NMNAT3: variants seen among roughly 807,000 people sequenced by gnomAD.
The protein encoded by NMNAT3 is nicotinamide/nicotinic acid mononucleotide adenylyltransferase 3.
NMNAT3 carries 21 observed loss-of-function variants against 24.8 expected under a neutral mutation model. The ratio of observed to expected loss-of-function variants is 0.85; its 90% CI spans 0.60 to 1.22. NMNAT3 has a LOEUF of 1.22. NMNAT3 is among the 50% of genes most tolerant of loss of function. The pLI is 0.00. For missense variants in NMNAT3, 387 were observed against 436.6 expected (o/e 0.89, Z 1.01); for synonymous variants, 136 against 155.2 (o/e 0.88, Z 0.92).
At chr3:139,670,310 TCAGCAATGACTGA>T (rs2057717546) in intron 1 of NMNAT3, among the ~76,000 whole-genome samples, 1 of 152,226 alleles carries the variant, frequency 6.6e-6, no homozygotes, top group Non-Finnish European at 1.5e-5. Flanking sequence ...TCTCTTTGTC[TCAGCAATGACTGA>T]CAGAAATGGT....
intron 3 of NMNAT3, among the ~76,000 whole-genome samples, chr3:139,591,973 G>A (rs1160429166): frequency 6.6e-6 from 1 of 152,232 alleles, no homozygotes; most frequent in African/African-American, 2.4e-5. Flanking sequence ...GATGGAGAAT[G>A]ACTTTGACGA....
intron 6 of NMNAT3, chr3:139,570,204 A>T (rs922275949): frequency 2.0e-5 from 3 of 152,120 alleles, no homozygotes; most frequent in Non-Finnish European, 2.9e-5. Context: ...CAGGTCCTTT[A>T]AGGACTTCTG....
intron 3 of NMNAT3, among the ~76,000 whole-genome samples, chr3:139,597,686 C>T (rs767723883): frequency 1.4e-4 from 21 of 152,210 alleles, no homozygotes; most frequent in Non-Finnish European, 2.8e-4. Context: ...GCCACAGCCT[C>T]ACAAAGGCCA....
chr3:139,568,905 T>A (rs1179038183), intron 6 of NMNAT3: 1 of 152,214 alleles, frequency 6.6e-6, no homozygotes, highest in Admixed American at 6.5e-5. Context: ...CTTGTTAACT[T>A]TCTGTCTTGT....
chr3:139,632,781 C>A (rs1178626125), intron 2 of NMNAT3, among the ~76,000 whole-genome samples: 1 of 152,164 alleles, frequency 6.6e-6, no homozygotes, highest in Admixed American at 6.5e-5. Flanking sequence ...CACCTCACTG[C>A]AAGAGGCTGA....
intron 1 of NMNAT3, among the ~76,000 whole-genome samples, chr3:139,649,672 G>C (rs1034006418): frequency 1.3e-5 from 2 of 152,098 alleles, no homozygotes; most frequent in African/African-American, 2.4e-5. Flanking sequence ...TAGTGTTTGT[G>C]AGTTGCACAC....
chr3:139,663,768 C>T (rs145151870), intron 1 of NMNAT3, among the ~76,000 whole-genome samples: 3 of 152,336 alleles, frequency 2.0e-5, no homozygotes, highest in Non-Finnish European at 2.9e-5. Context: ...TCTGTCCACA[C>T]TGACCCCAGC....
At chr3:139,606,602 C>T (rs1344782518) in intron 3 of NMNAT3, among the ~76,000 whole-genome samples, 2 of 152,192 alleles carry the variant, frequency 1.3e-5, no homozygotes, top group African/African-American at 4.8e-5. Flanking sequence ...CATCATATTT[C>T]ACCTACTAAT....
chr3:139,572,287 G>A (rs1440645884), intron 6 of NMNAT3: 1 of 398,192 alleles, frequency 2.5e-6, no homozygotes, highest in African/African-American at 2.1e-5. Flanking sequence ...ATGAATACTG[G>A]GCACTGTGCT....
chr3:139,596,922 A>G (rs1256750813), intron 3 of NMNAT3, among the ~76,000 whole-genome samples: 3,036 of 19,204 alleles, frequency 0.16, 196 homozygotes, highest in African/African-American at 0.28. Flanking sequence ...GTGTGTATAT[A>G]TATATATATA....
At chr3:139,612,321 C>T (rs2055263484) in intron 3 of NMNAT3, among the ~76,000 whole-genome samples, 1 of 152,132 alleles carries the variant, frequency 6.6e-6, no homozygotes. Context: ...AGCAAGAGTT[C>T]ACTCAGAATA....
chr3:139,660,925 C>T (rs992400296), intron 1 of NMNAT3, among the ~76,000 whole-genome samples: 2 of 152,068 alleles, frequency 1.3e-5, no homozygotes, highest in African/African-American at 4.8e-5. Context: ...AGAAAACGTG[C>T]CGGGAAATCT....
chr3:139,634,718 A>G (rs1043883999), intron 2 of NMNAT3, 71 bp from the exon 3 acceptor site: 1 of 151,988 alleles, frequency 6.6e-6, no homozygotes, highest in African/African-American at 2.4e-5. Flanking sequence ...CAGGCAGCCC[A>G]CTCTTTAGTT....
intron 6 of NMNAT3, chr3:139,570,866 A>T (rs1938163710): frequency 6.6e-6 from 1 of 152,502 alleles, no homozygotes; most frequent in Non-Finnish European, 1.5e-5. Context: ...CTCTCTTCAA[A>T]GCGTCAGAGA....
At chr3:139,645,748 G>C (rs779290480) in intron 1 of NMNAT3, among the ~76,000 whole-genome samples, 11 of 152,244 alleles carry the variant, frequency 7.2e-5, no homozygotes, top group African/African-American at 1.7e-4. Flanking sequence ...AAACTGAGGA[G>C]TATAGTTTTT....
intron 3 of NMNAT3, among the ~76,000 whole-genome samples, chr3:139,620,917 C>T (rs981107160): frequency 1.3e-5 from 2 of 152,170 alleles, no homozygotes; most frequent in African/African-American, 4.8e-5. Context: ...CCTCAGCATC[C>T]TGAGTAGCTA....
At chr3:139,569,775 A>AT (rs1264000547) in intron 6 of NMNAT3, 2 of 151,914 alleles carry the variant, frequency 1.3e-5, no homozygotes, top group Non-Finnish European at 2.9e-5. Context: ...TGCCCTTAAC[A>AT]TTTTTTCCTT....
intron 1 of NMNAT3, among the ~76,000 whole-genome samples, chr3:139,667,930 A>C (rs985401515): frequency 6.6e-6 from 1 of 152,254 alleles, no homozygotes; most frequent in Non-Finnish European, 1.5e-5. Flanking sequence ...CACATGAGAA[A>C]GCATTCAACA....
At chr3:139,571,314 C>T (rs902239377) in intron 6 of NMNAT3, 23 of 152,238 alleles carry the variant, frequency 1.5e-4, no homozygotes, top group Admixed American at 1.2e-3. Context: ...GGCAATGCCT[C>T]GCCCTGCTTC....
Sources: gnomAD v4.1 joint callset for allele counts (sites outside exome capture counted in the v4.1 genomes callset) on GRCh38, gnomAD v4.1.1 for gene constraint, MANE v1.5 for transcripts, NCBI Gene and HGNC (gene_info 2026-07-23, HGNC 2026-07-21) for gene names.